Variants in RPH3A observed in about 807,000 individuals in gnomAD.
The protein encoded by RPH3A is rabphilin-3A.
A neutral mutation model predicts 102.2 loss-of-function variants in RPH3A; 48 were observed. That is an observed-to-expected ratio of 0.47 (90% CI 0.37 to 0.60). RPH3A has a LOEUF of 0.60. RPH3A is among the 20% of genes least tolerant of loss of function. The pLI is 0.00. For synonymous variants in RPH3A, 310 were observed against 324.3 expected (o/e 0.96, Z 0.47); for missense variants, 781 against 910.1 (o/e 0.86, Z 1.83).
intron 1 of RPH3A, among the ~76,000 whole-genome samples, chr12:112,765,180 G>A (rs1320728965): frequency 1.3e-5 from 2 of 151,928 alleles, no homozygotes; most frequent in Non-Finnish European, 2.9e-5. Context: ...GCATATATGT[G>A]GGGAGTCAAG....
intron 5 of RPH3A, among the ~76,000 whole-genome samples, chr12:112,864,776 C>T (rs1169841923): frequency 2.0e-5 from 3 of 152,168 alleles, no homozygotes; most frequent in Non-Finnish European, 1.5e-5. Context: ...TTCTGTTCAC[C>T]CTCTACCCTT....
chr12:112,681,104 C>A (rs1313990742), intron 1 of RPH3A, among the ~76,000 whole-genome samples: 1 of 152,214 alleles, frequency 6.6e-6, no homozygotes, highest in Non-Finnish European at 1.5e-5. Context: ...TGAGCATCTT[C>A]CTTCACAAAA....
chr12:112,834,819 G>A (rs951303435), intron 3 of RPH3A, among the ~76,000 whole-genome samples: 4 of 152,018 alleles, frequency 2.6e-5, no homozygotes, highest in Admixed American at 2.6e-4. Flanking sequence ...AGTTTTACAA[G>A]TTTTCTTATG....
chr12:112,683,946 A>C (rs569769369), intron 1 of RPH3A, among the ~76,000 whole-genome samples: 3 of 152,282 alleles, frequency 2.0e-5, no homozygotes, highest in East Asian at 3.9e-4. Context: ...GCTGTTTAAA[A>C]GGCTATTTCT....
intron 1 of RPH3A, among the ~76,000 whole-genome samples, chr12:112,668,885 C>T (rs1045920977): frequency 2.6e-5 from 4 of 151,852 alleles, no homozygotes; most frequent in South Asian, 4.2e-4. Flanking sequence ...TGCCCTGATT[C>T]GACATCCTCA....
chr12:112,826,215 A>AG (rs2041870140), intron 2 of RPH3A, among the ~76,000 whole-genome samples: 1 of 152,212 alleles, frequency 6.6e-6, no homozygotes, highest in Admixed American at 6.5e-5. Context: ...ATCTGCAAGA[A>AG]GGCTTCCGGG....
intron 1 of RPH3A, among the ~76,000 whole-genome samples, chr12:112,702,954 A>G (rs2040404984): frequency 6.6e-6 from 1 of 152,104 alleles, no homozygotes. Flanking sequence ...TCTAGTTTTG[A>G]GGGACTTGTC....
intron 1 of RPH3A, among the ~76,000 whole-genome samples, chr12:112,632,205 C>T (rs1168747995): frequency 1.1e-4 from 17 of 152,182 alleles, no homozygotes; most frequent in African/African-American, 3.6e-4. Flanking sequence ...GATTGTGAGG[C>T]CTCCCCAGCC....
At chr12:112,757,925 A>T (rs1008332985) in intron 1 of RPH3A, among the ~76,000 whole-genome samples, 13 of 152,174 alleles carry the variant, frequency 8.5e-5, no homozygotes, top group African/African-American at 3.1e-4. Flanking sequence ...GTGAGCTAGT[A>T]ACAGCTTGTG....
chr12:112,826,496 C>T (rs7977317), intron 2 of RPH3A, among the ~76,000 whole-genome samples: 3,712 of 152,228 alleles, frequency 0.024, 133 homozygotes, highest in African/African-American at 0.084. Context: ...GCTTGATGGC[C>T]TTTGCAGATG....
intron 2 of RPH3A, among the ~76,000 whole-genome samples, chr12:112,823,808 G>T (rs138399813): frequency 3.9e-4 from 59 of 152,290 alleles, no homozygotes; most frequent in African/African-American, 1.3e-3. Flanking sequence ...TTCACCACTA[G>T]ACTTTCTCCA....
chr12:112,603,667 G>A (rs949663318), intron 1 of RPH3A, among the ~76,000 whole-genome samples: 6 of 152,046 alleles, frequency 3.9e-5, no homozygotes, highest in Non-Finnish European at 8.8e-5. Context: ...TCAAGATATC[G>A]GGTTAACAGG....
At chr12:112,884,995 T>C (rs2042981141) in intron 16 of RPH3A, among the ~76,000 whole-genome samples, 1 of 152,244 alleles carries the variant, frequency 6.6e-6, no homozygotes, top group Non-Finnish European at 1.5e-5. Flanking sequence ...ATCTATATTC[T>C]TTCATTTAAC....
chr12:112,825,099 T>TG (rs2041844772), intron 2 of RPH3A, among the ~76,000 whole-genome samples: 1 of 151,658 alleles, frequency 6.6e-6, no homozygotes, highest in South Asian at 2.1e-4. Context: ...GTCCTCCAGG[T>TG]GGGGGGCTCC....
At chr12:112,644,501 A>G (rs929585865) in intron 1 of RPH3A, among the ~76,000 whole-genome samples, 2 of 152,180 alleles carry the variant, frequency 1.3e-5, no homozygotes, top group African/African-American at 4.8e-5. Flanking sequence ...CTGCCCTGCA[A>G]ATGAGCCAAA....
chr12:112,879,367 C>T (rs2042865916), intron 14 of RPH3A, among the ~76,000 whole-genome samples, 169 bp downstream of exon 14: 1 of 152,224 alleles, frequency 6.6e-6, no homozygotes, highest in African/African-American at 2.4e-5. Context: ...TCTGGGAGGC[C>T]TTCCTCCTCC....
At chr12:112,717,510 T>G (rs1462066656) in intron 1 of RPH3A, among the ~76,000 whole-genome samples, 1 of 152,154 alleles carries the variant, frequency 6.6e-6, no homozygotes, top group African/African-American at 2.4e-5. Context: ...TCCCTTTGAA[T>G]CTGGCTTCTT....
At chr12:112,605,561 A>G (rs1391836244) in intron 1 of RPH3A, among the ~76,000 whole-genome samples, 2 of 152,178 alleles carry the variant, frequency 1.3e-5, no homozygotes, top group Non-Finnish European at 2.9e-5. Flanking sequence ...CATACTCTTC[A>G]CTGAACTGTC....
At chr12:112,788,428 T>A (rs968532160), upstream of RPH3A, among the ~76,000 whole-genome samples, 2 of 152,212 alleles carry the variant, frequency 1.3e-5, no homozygotes, top group South Asian at 2.1e-4. Context: ...TAGGAAAAAC[T>A]GACAGGGTCA....
Sources: allele counts gnomAD v4.1 joint callset (sites outside exome capture counted in the v4.1 genomes callset), GRCh38; gene constraint gnomAD v4.1.1; transcripts MANE v1.5; gene names NCBI Gene and HGNC (gene_info 2026-07-23, HGNC 2026-07-21).